Variants in RSBN1L observed in about 807,000 individuals in gnomAD.
RSBN1L encodes lysine-specific demethylase RSBN1L.
A neutral mutation model predicts 67.7 loss-of-function variants in RSBN1L; 30 were observed. That is an observed-to-expected ratio of 0.44 (90% CI 0.33 to 0.60). The LOEUF is 0.60. Ranked by LOEUF, RSBN1L falls within the 20% of genes least tolerant of loss-of-function variation. RSBN1L has a pLI of 0.02. For synonymous variants in RSBN1L, 433 were observed against 387.0 expected, an observed-to-expected ratio of 1.12 and a Z score of -1.39; for missense variants, 992 against 1,031.7, an observed-to-expected ratio of 0.96 and a Z score of 0.53.
intron 1 of RSBN1L, among the ~76,000 whole-genome samples, chr7:77,725,212 T>C (rs1791181753): frequency 2.1e-5 from 3 of 145,814 alleles, no homozygotes; most frequent in South Asian, 2.3e-4. Flanking sequence ...CCAGAAGTTC[T>C]TTTTCTTTCT....
intron 2 of RSBN1L, 77 bp from the exon 3 acceptor site, chr7:77,749,347 T>A: frequency 8.9e-7 from 1 of 1,121,760 alleles, no homozygotes; most frequent in Non-Finnish European, 1.2e-6. Flanking sequence ...AACTTCTTAC[T>A]TAGACAAAAC....
chr7:77,767,751 T>C (rs1409029453), intron 4 of RSBN1L, among the ~76,000 whole-genome samples: 19 of 30,012 alleles, frequency 6.3e-4, no homozygotes, highest in African/African-American at 1.5e-3. Context: ...CCCTCCCCCC[T>C]TTTTCCCTCC....
intron 1 of RSBN1L, among the ~76,000 whole-genome samples, chr7:77,719,275 A>G (rs1317322451): frequency 6.6e-6 from 1 of 152,234 alleles, no homozygotes; most frequent in African/African-American, 2.4e-5. Context: ...ACTTTTAAAA[A>G]ATGTAGAACT....
rs372578775 is a variant in RSBN1L, at chr7:77,744,225, A to G, written c.704-5199A>G. ...TAAAAAAAAAAGATTTTGTAGAGACAGGGTCTCACCATGTTGCCTACACTG... is the reference window on the plus strand; with the variant it reads ...TAAAAAAAAAAGATTTTGTAGAGACGGGGTCTCACCATGTTGCCTACACTG... On this transcript the variant is annotated intron_variant, in intron 2 of 7. Coordinates refer to ENST00000334955, the MANE Select transcript of RSBN1L (RefSeq NM_198467.3). Among the ~76,000 whole-genome samples the G allele has an allele frequency of 3.3e-5, 5 of 150,390 alleles. No individual in the cohort carries two copies. In the East Asian group the frequency reaches 5.9e-4, roughly 18 times the overall value.
chr7:77,754,737 A>T (rs1791594916), intron 3 of RSBN1L, among the ~76,000 whole-genome samples: 1 of 152,178 alleles, frequency 6.6e-6, no homozygotes, highest in Admixed American at 6.5e-5. Flanking sequence ...CAGGAGGCTG[A>T]GGCAAGAGGA....
chr7:77,697,062 G>A lies in RSBN1L; in HGVS notation c.586+7G>A, dbSNP rs1186501479. The A allele has an allele frequency of 1.4e-6, 2 of 1,437,132 alleles. No individual in the cohort carries two copies. The highest frequency in any genetic ancestry group is 2.7e-5 in the Admixed American group (1 of 36,734). 89.0% of individuals were successfully genotyped at this position (1,437,132 alleles called of 1,614,324 possible). A position where few individuals can be genotyped will look rare whatever the true frequency, so the allele number is the denominator to read the frequency against. On this transcript the variant is annotated splice_region_variant and intron_variant, in intron 1 of 7. Transcript: ENST00000334955. Reference sequence around the variant, plus strand: ...GTGAAGCCGCTGCCCCGAGGTGGGTGCCGTGCGGGGAGGGGGAGGGGAGGG... The same window carrying A: ...GTGAAGCCGCTGCCCCGAGGTGGGTACCGTGCGGGGAGGGGGAGGGGAGGG...
intron 4 of RSBN1L, among the ~76,000 whole-genome samples, chr7:77,768,018 T>C (rs1791796423): frequency 6.6e-6 from 1 of 150,654 alleles, no homozygotes; most frequent in African/African-American, 2.4e-5. Context: ...GCCCAGCTAA[T>C]TTTTGTATTT....
At chr7:77,707,498 C>CT (rs527580982) in intron 1 of RSBN1L, among the ~76,000 whole-genome samples, 5 of 152,102 alleles carry the variant, frequency 3.3e-5, no homozygotes, top group East Asian at 3.9e-4. Flanking sequence ...CTTTTGTTAG[C>CT]TTTTTTTATA....
intron 5 of RSBN1L, among the ~76,000 whole-genome samples, 174 bp downstream of exon 5, chr7:77,768,977 A>G (rs1197303497): frequency 1.3e-5 from 2 of 152,240 alleles, no homozygotes; most frequent in Non-Finnish European, 2.9e-5. Context: ...AAATGTAAAT[A>G]AAGCATGAGA....
intron 5 of RSBN1L, among the ~76,000 whole-genome samples, chr7:77,771,616 T>TCTC (rs1288258836): frequency 4.0e-5 from 6 of 151,448 alleles, no homozygotes; most frequent in Non-Finnish European, 7.4e-5. Context: ...TTCAAGTGAT[T>TCTC]CTCCTGCCTC....
intron 1 of RSBN1L, among the ~76,000 whole-genome samples, chr7:77,699,326 G>C (rs965300662): frequency 6.6e-6 from 1 of 150,706 alleles, no homozygotes; most frequent in African/African-American, 2.5e-5. Context: ...ACACACACTC[G>C]AAAGACCTAG....
Position 77,779,299 on chromosome 7 carries a change from T to A in RSBN1L, c.*131T>A. On this transcript the variant is annotated 3_prime_UTR_variant, in exon 8 of 8. Transcript: ENST00000334955. Reference sequence around the variant, plus strand: ...CATAGTTTATGTAGCTTTGTAACATTCCTCAGTGCCTGTCCATAACTGTGA... The same window carrying A: ...CATAGTTTATGTAGCTTTGTAACATACCTCAGTGCCTGTCCATAACTGTGA... The A allele has an allele frequency of 1.5e-6, 1 of 674,528 alleles. No individual in the cohort carries two copies. The highest frequency in any genetic ancestry group is 2.1e-5 in the South Asian group (1 of 48,776). 41.8% of individuals were successfully genotyped at this position (674,528 alleles called of 1,614,324 possible). A position where few individuals can be genotyped will look rare whatever the true frequency, so the allele number is the denominator to read the frequency against.
intron 1 of RSBN1L, among the ~76,000 whole-genome samples, chr7:77,705,727 G>C (rs537317214): frequency 6.6e-6 from 1 of 151,702 alleles, no homozygotes. Context: ...GACCAGGCTG[G>C]TCTTGAACTC....
chr7:77,750,102 A>G (rs558790879), intron 3 of RSBN1L, 38 bp downstream of exon 3: 2 of 1,254,130 alleles, frequency 1.6e-6, no homozygotes, highest in Non-Finnish European at 2.1e-6. Flanking sequence ...ACTTTTAATT[A>G]TATATTTTTA....
At chr7:77,723,267 A>G (rs942453092) in intron 1 of RSBN1L, among the ~76,000 whole-genome samples, 15 of 152,014 alleles carry the variant, frequency 9.9e-5, no homozygotes, top group African/African-American at 3.1e-4. Flanking sequence ...CGCCCGGCCA[A>G]CATTTCTTAA....
chr7:77,726,002 A>T (rs183349710), intron 1 of RSBN1L, among the ~76,000 whole-genome samples: 2,785 of 152,154 alleles, frequency 0.018, 38 homozygotes, highest in Middle Eastern at 0.071. Flanking sequence ...ATATTGTTAA[A>T]TTTATATACA....
chr7:77,728,338 C>T lies in RSBN1L; in HGVS notation c.587-8072C>T, dbSNP rs576674550. Among the ~76,000 whole-genome samples, 17 of 152,210 alleles carry T rather than the reference C, an allele frequency of 1.1e-4. No homozygotes were observed. In the South Asian group the frequency reaches 3.3e-3, roughly 30 times the overall value. ...TTGTATGTTAAAAATTATTTTCATT[C>T]GCAATTTTGAAGGCATTGCTGTATT... is the stretch of plus-strand genomic sequence containing the variant. On this transcript the variant is annotated intron_variant, in intron 1 of 7. Transcript: ENST00000334955.
chr7:77,765,492 C>A lies in RSBN1L; in HGVS notation c.1345-3C>A. 1 of 1,527,474 alleles carries A rather than the reference C, an allele frequency of 6.5e-7. No homozygotes were observed. The highest frequency in any genetic ancestry group is 8.8e-7 in the Non-Finnish European group (1 of 1,132,710). 94.6% of individuals were successfully genotyped at this position (1,527,474 alleles called of 1,614,324 possible). Reference sequence around the variant, plus strand: ...ACTTTTAATTAAATCCATGTTTCTTCAGGTAAAAAGAACGTATTCTCATGG... The same window carrying A: ...ACTTTTAATTAAATCCATGTTTCTTAAGGTAAAAAGAACGTATTCTCATGG... On this transcript the variant is annotated splice_polypyrimidine_tract_variant and splice_region_variant and intron_variant, in intron 3 of 7. Coordinates refer to ENST00000334955, the MANE Select transcript of RSBN1L (RefSeq NM_198467.3).
At chr7:77,719,154 G>A (rs1327521454) in intron 1 of RSBN1L, among the ~76,000 whole-genome samples, 1 of 152,128 alleles carries the variant, frequency 6.6e-6, no homozygotes, top group African/African-American at 2.4e-5. Flanking sequence ...ATACATTAGG[G>A]CACATAATGT....
Sources: allele counts gnomAD v4.1 joint callset (sites outside exome capture counted in the v4.1 genomes callset), GRCh38; gene constraint gnomAD v4.1.1; transcripts MANE v1.5; gene names NCBI Gene and HGNC (gene_info 2026-07-23, HGNC 2026-07-21).